Variants in GSDMB observed in about 807,000 individuals in gnomAD.
GSDMB encodes gasdermin B, also known as gasdermin-B.
A neutral mutation model predicts 42.9 loss-of-function variants in GSDMB; 32 were observed. That is an observed-to-expected ratio of 0.75 (90% CI 0.56 to 1.00). GSDMB has a LOEUF of 1.00. Among genes scored for constraint, GSDMB ranks in the 50% least tolerant of loss-of-function variants. The pLI, the probability that GSDMB is intolerant of heterozygous loss-of-function variation, is 0.00. For missense variants in GSDMB, 468 were observed against 498.5 expected, an observed-to-expected ratio of 0.94 and a Z score of 0.58; for synonymous variants, 175 against 193.7, an observed-to-expected ratio of 0.90 and a Z score of 0.80.
chr17:39,904,765 G>A lies in GSDMB; in HGVS notation c.*47C>T. On this transcript the variant is annotated 3_prime_UTR_variant, in exon 11 of 11. Coordinates refer to ENST00000418519, the MANE Select transcript of GSDMB (RefSeq NM_001165958.2). ...GTGGCGATGGCAGTGAGGACAGACTGGTAAAGGGAAAACCCAGAGGCTTGT... is the reference window on the plus strand; with the variant it reads ...GTGGCGATGGCAGTGAGGACAGACTAGTAAAGGGAAAACCCAGAGGCTTGT... The A allele has an allele frequency of 1.3e-6, 2 of 1,564,942 alleles. No homozygotes were observed. Among genetic ancestry groups the A allele is most frequent in the Non-Finnish European group, 1.8e-6 (2 of 1,139,754 alleles).
In GSDMB at chr17:39,906,737, AC is replaced by A; in HGVS notation, c.727+223del. 5 of 1,297,738 alleles carry A rather than the reference AC, an allele frequency of 3.9e-6. No homozygotes were observed. In the South Asian group the frequency reaches 8.0e-5, roughly 21 times the overall value. The allele number at this position is 1,297,738 out of a possible 1,614,324, so 80.4% of individuals were successfully genotyped here. On this transcript the variant is annotated intron_variant, in intron 7 of 10. Transcript: ENST00000418519. ...TTTCTGGAGACGGGACTCAGTCGTC[AC>A]TAGTTTTAAAGTTTCCTGGTGTGAT...
rs1398965253 is a variant in GSDMB, at chr17:39,906,813, G to C, written c.727+148C>G. On this transcript the variant is annotated intron_variant, in intron 7 of 10. Coordinates refer to ENST00000418519, the MANE Select transcript of GSDMB (RefSeq NM_001165958.2). ...ACTGTGTTTAGAGGAGACAGATGCA[G>C]CCTCCAGACTAAAGTTGAAACCTGC... 4.0e-6 allele frequency: 6 copies of C among 1,495,674 alleles called. No individual in the cohort carries two copies. In the African/African-American group the frequency reaches 8.3e-5, roughly 21 times the overall value. The allele number at this position is 1,495,674 out of a possible 1,614,324, so 92.7% of individuals were successfully genotyped here. A position where few individuals can be genotyped will look rare whatever the true frequency, so the allele number is the denominator to read the frequency against.
intron 5 of GSDMB, 31 bp downstream of exon 5, chr17:39,908,927 C>T (rs370288201): frequency 2.2e-6 from 3 of 1,382,994 alleles, no homozygotes; most frequent in Admixed American, 3.4e-5. Flanking sequence ...TTTAGGGCCC[C>T]CCATCCTGTT....
chr17:39,913,397 T>C (rs924500619), intron 2 of GSDMB, among the ~76,000 whole-genome samples: 3 of 151,540 alleles, frequency 2.0e-5, no homozygotes, highest in Non-Finnish European at 4.4e-5. Flanking sequence ...CTGAGGTGGG[T>C]AGATCACTTG....
intron 9 of GSDMB, 94 bp downstream of exon 9, chr17:39,905,753 G>C: frequency 7.3e-7 from 1 of 1,373,046 alleles, no homozygotes; most frequent in Non-Finnish European, 1.0e-6. Flanking sequence ...ACTGTGAAGA[G>C]CAACATGCAG....
At chr17:39,914,552 A>C (rs1291536165) in intron 2 of GSDMB, among the ~76,000 whole-genome samples, 2 of 152,072 alleles carry the variant, frequency 1.3e-5, no homozygotes, top group Admixed American at 6.5e-5. Context: ...ACCTGAGGTC[A>C]GGAGTTCAAG....
Position 39,909,691 on chromosome 17 carries a change from C to T in GSDMB, c.576+65G>A, listed in dbSNP as rs980658687. ...TGAAGGAAGAGTCTAAGGCTGGCATCGCCTTGACCTGCGGGGTGTGGGCCA... is the reference window on the plus strand; with the variant it reads ...TGAAGGAAGAGTCTAAGGCTGGCATTGCCTTGACCTGCGGGGTGTGGGCCA... On this transcript the variant is annotated intron_variant, in intron 4 of 10. Coordinates refer to ENST00000418519, the MANE Select transcript of GSDMB (RefSeq NM_001165958.2). 24 of 1,403,088 alleles carry T rather than the reference C, an allele frequency of 1.7e-5. No homozygotes were observed. In the East Asian group the frequency reaches 1.8e-4, roughly 11 times the overall value. 86.9% of individuals were successfully genotyped at this position (1,403,088 alleles called of 1,614,324 possible). A position where few individuals can be genotyped will look rare whatever the true frequency, so the allele number is the denominator to read the frequency against.
chr17:39,906,686 G>C lies in GSDMB; in HGVS notation c.727+275C>G, dbSNP rs1261235478. Reference sequence around the variant, plus strand: ...AGTTATTACAAATCCTGATGTCCAGGCCACACCCCCACAATTAAGTCAGAG... The same window carrying C: ...AGTTATTACAAATCCTGATGTCCAGCCCACACCCCCACAATTAAGTCAGAG... On this transcript the variant is annotated intron_variant, in intron 7 of 10. Transcript: ENST00000418519. 2.9e-6 allele frequency: 3 copies of C among 1,052,222 alleles called. No homozygotes were observed. In the East Asian group the frequency reaches 9.2e-5, roughly 32 times the overall value. 65.2% of individuals were successfully genotyped at this position (1,052,222 alleles called of 1,614,324 possible).
chr17:39,918,598 C>T lies in GSDMB; in HGVS notation c.-79G>A, dbSNP rs527976048. The T allele has an allele frequency of 6.6e-6, 1 of 152,462 alleles. No homozygotes were observed. Among genetic ancestry groups the T allele is most frequent in the African/African-American group, 2.4e-5 (1 of 41,546 alleles). 9.4% of individuals were successfully genotyped at this position (152,462 alleles called of 1,614,324 possible). On this transcript the variant is annotated 5_prime_UTR_variant, in exon 1 of 11. It adds an upstream start codon to the 5' untranslated region. Coordinates refer to ENST00000418519, the MANE Select transcript of GSDMB (RefSeq NM_001165958.2). Reference sequence around the variant, plus strand: ...GTGAGAATCCCCACAGATCTCTGCACAGTTCCTGGCCTCTGAATCTCAGGA... The same window carrying T: ...GTGAGAATCCCCACAGATCTCTGCATAGTTCCTGGCCTCTGAATCTCAGGA...
At chr17:39,909,068 G>A (rs1296089037) in intron 4 of GSDMB, 26 bp from the exon 5 acceptor site, 2 of 1,379,878 alleles carry the variant, frequency 1.4e-6, no homozygotes, top group Middle Eastern at 1.8e-4. Flanking sequence ...CACATTGACG[G>A]ATCCCCAGGT....
At position 39,908,266 on chromosome 17, in the gene GSDMB, T is replaced by C. The variant is rs530287246; in HGVS notation, c.662-52A>G. On this transcript the variant is annotated intron_variant, in intron 5 of 10. Coordinates refer to ENST00000418519, the MANE Select transcript of GSDMB (RefSeq NM_001165958.2). ...AAAACAAGTTATTGGAGAGACCAGTTATCACTCTGTAAGTTCCCTTTCTCC... is the reference window on the plus strand; with the variant it reads ...AAAACAAGTTATTGGAGAGACCAGTCATCACTCTGTAAGTTCCCTTTCTCC... 20 of 951,954 alleles carry C rather than the reference T, an allele frequency of 2.1e-5. No individual in the cohort carries two copies. In the South Asian group the frequency reaches 2.3e-4, roughly 11 times the overall value. The allele number at this position is 951,954 out of a possible 1,614,324, so 59.0% of individuals were successfully genotyped here.
intron 8 of GSDMB, 58 bp downstream of exon 8, chr17:39,906,053 T>C: frequency 6.5e-7 from 1 of 1,538,492 alleles, no homozygotes; most frequent in South Asian, 1.1e-5. Context: ...CTGTGCCAAC[T>C]GCCATCCCCT....
intron 9 of GSDMB, 129 bp downstream of exon 9, chr17:39,905,718 A>G (rs1423775899): frequency 2.7e-6 from 3 of 1,097,028 alleles, no homozygotes; most frequent in African/African-American, 3.1e-5. Context: ...GGCCTGAGGA[A>G]GACATGAAGG....
Position 39,912,459 on chromosome 17 carries a change from A to C in GSDMB, c.274T>G (p.Ser92Ala). Residue 92 changes from serine (S) to alanine (A), a missense_variant, in exon 3 of 11, where the codon TCA becomes GCA. By Grantham distance (99) the Ser-to-Ala change is moderately conservative. Coordinates refer to ENST00000418519, the MANE Select transcript of GSDMB (RefSeq NM_001165958.2). ...AATCTCACTATCAACTCTCCCGTTG[A>C]GTCTACATTATCCAGAATTTGAAAC... ...AEFQILDNVD[S>A]TGELIVRLPK... 1 of 1,612,904 alleles carries C rather than the reference A, an allele frequency of 6.2e-7. No individual in the cohort carries two copies.
At chr17:39,906,075 C>T (rs1179432909) in intron 8 of GSDMB, 36 bp downstream of exon 8, 2 of 1,610,054 alleles carry the variant, frequency 1.2e-6, no homozygotes, top group Non-Finnish European at 8.5e-7. Flanking sequence ...TGGCTCCTAT[C>T]TCTCTCTGCC....
intron 7 of GSDMB, chr17:39,906,692 C>CT: frequency 8.4e-7 from 1 of 1,184,698 alleles, no homozygotes; most frequent in Non-Finnish European, 1.1e-6. Flanking sequence ...CCAGGCCACA[C>CT]CCCCACAATT....
intron 6 of GSDMB, chr17:39,907,193 A>T: frequency 3.6e-6 from 5 of 1,401,956 alleles, no homozygotes; most frequent in Non-Finnish European, 4.6e-6. Context: ...AGGCAGTCAT[A>T]GGACTGTGCC....
At chr17:39,912,601 C>T in intron 2 of GSDMB, 104 bp from the exon 3 acceptor site, 2 of 836,378 alleles carry the variant, frequency 2.4e-6, no homozygotes, top group Non-Finnish European at 4.0e-6. Flanking sequence ...GTGCCACCAT[C>T]CCCCTCCCTT....
At chr17:39,908,811 G>T in intron 5 of GSDMB, 147 bp downstream of exon 5, 1 of 672,568 alleles carries the variant, frequency 1.5e-6, no homozygotes, top group South Asian at 1.8e-5. Context: ...TCCTAGTGCT[G>T]AACCCACCCT....
Sources: allele counts gnomAD v4.1 joint callset (sites outside exome capture counted in the v4.1 genomes callset), GRCh38; gene constraint gnomAD v4.1.1; transcripts MANE v1.5; gene names NCBI Gene and HGNC (gene_info 2026-07-23, HGNC 2026-07-21).